The following RNPEP variants were observed in gnomAD, a reference collection of about 807,000 sequenced individuals.
RNPEP encodes the protein arginyl aminopeptidase, also known as aminopeptidase B.
RNPEP carries 57 observed loss-of-function variants against 70.1 expected under a neutral mutation model. That is an observed-to-expected ratio of 0.81 (90% confidence interval 0.66 to 1.01). The LOEUF (loss-of-function observed/expected upper bound fraction) is 1.01. Among genes scored for constraint, RNPEP ranks in the 50% least tolerant of loss-of-function variants. The pLI is 0.00. For synonymous variants in RNPEP, 335 were observed against 357.4 expected (o/e 0.94, Z 0.71); for missense variants, 787 against 852.4 (o/e 0.92, Z 0.96).
intron 3 of RNPEP, among the ~76,000 whole-genome samples, chr1:201,990,941 C>T (rs1254288279): frequency 3.9e-5 from 6 of 152,116 alleles, no homozygotes; most frequent in Non-Finnish European, 5.9e-5. Flanking sequence ...ACAATAGATT[C>T]TAAAGATACT....
At chr1:202,001,911 C>G (rs1571646479) in intron 8 of RNPEP, 144 bp downstream of exon 8, 1 of 624,686 alleles carries the variant, frequency 1.6e-6, no homozygotes, top group East Asian at 2.7e-5. Context: ...ACCCAGAATC[C>G]TGGGATTTAT....
chr1:201,987,293 G>A (rs1268256046), intron 1 of RNPEP, among the ~76,000 whole-genome samples: 1 of 152,094 alleles, frequency 6.6e-6, no homozygotes, highest in Non-Finnish European at 1.5e-5. Flanking sequence ...TCATCCTGGA[G>A]TAATCGAATC....
At chr1:202,005,050 G>A (rs73074450) in intron 10 of RNPEP, among the ~76,000 whole-genome samples, 1,819 of 152,278 alleles carry the variant, frequency 0.012, 38 homozygotes, top group African/African-American at 0.041. Context: ...CTGCCTGTTC[G>A]GGGATATTCT....
chr1:202,005,485 G>C, intron 10 of RNPEP, 73 bp from the exon 11 acceptor site: 1 of 1,554,500 alleles, frequency 6.4e-7, no homozygotes, highest in South Asian at 1.1e-5. Flanking sequence ...TGTTAGACTG[G>C]CACTGGGGGC....
chr1:201,998,360 C>T (rs958639414), intron 5 of RNPEP, among the ~76,000 whole-genome samples: 1 of 151,510 alleles, frequency 6.6e-6, no homozygotes, highest in African/African-American at 2.4e-5. Context: ...AGCTCCCCCA[C>T]ATCCCACTCC....
intron 3 of RNPEP, among the ~76,000 whole-genome samples, chr1:201,993,051 T>C (rs1683398136): frequency 6.6e-6 from 1 of 152,196 alleles, no homozygotes; most frequent in Non-Finnish European, 1.5e-5. Context: ...AGGTCTTGTC[T>C]CCTGTTTTAT....
In RNPEP at chr1:201,984,821, CTTT is replaced by C. The variant is rs200795347; in HGVS notation, c.447+1742_447+1744del. ...TTACTGCTAACTTTTGTATTTCTTT[CTTT>C]TTTTTTTTTTTTTTTTTTTTTTTTT... On this transcript the variant is annotated intron_variant, in intron 1 of 10. Transcript: ENST00000295640. Among the ~76,000 whole-genome samples the C allele has an allele frequency of 2.5e-4, 31 of 122,046 alleles. 2 individuals are homozygous for C. Among genetic ancestry groups the C allele is most frequent in the East Asian group, 1.4e-3 (6 of 4,190 alleles). 80.1% of individuals were successfully genotyped at this position (122,046 alleles called of 152,430 possible). A position where few individuals can be genotyped will look rare whatever the true frequency, so the allele number is the denominator to read the frequency against.
At chr1:202,001,049 G>A (rs1438982632) in intron 6 of RNPEP, 13 of 289,188 alleles carry the variant, frequency 4.5e-5, no homozygotes, top group Admixed American at 9.8e-5. Flanking sequence ...AAATGTGTCC[G>A]CTCCTCTGGA....
chr1:201,983,051 C>A lies in RNPEP; in HGVS notation c.385C>A (p.Pro129Thr). The part of the protein sequence containing the change: ...GQALCVSFPQ[P>T]CRAAERLQVL... ...GGCCCTGTGCGTGTCCTTCCCGCAG[C>A]CCTGCCGCGCCGCCGAGCGCCTCCA... Residue 129 changes from proline (P) to threonine (T), a missense_variant, in exon 1 of 11, where the codon CCC becomes ACC. Pro to Thr is a conservative substitution (Grantham distance 38). Coordinates refer to ENST00000295640, the MANE Select transcript of RNPEP (RefSeq NM_020216.4). The A allele has an allele frequency of 6.5e-7, 1 of 1,526,722 alleles. No individual in the cohort carries two copies. Among genetic ancestry groups the A allele is most frequent in the Non-Finnish European group, 8.8e-7 (1 of 1,141,592 alleles). The allele number at this position is 1,526,722 out of a possible 1,614,324, so 94.6% of individuals were successfully genotyped here.
chr1:201,989,594 C>T, intron 3 of RNPEP, 63 bp downstream of exon 3: 1 of 1,571,522 alleles, frequency 6.4e-7, no homozygotes, highest in Non-Finnish European at 8.7e-7. Context: ...GGACTCTGAC[C>T]AGTGGACCTG....
At chr1:201,998,508 A>C (rs982219226) in intron 5 of RNPEP, among the ~76,000 whole-genome samples, 1 of 152,164 alleles carries the variant, frequency 6.6e-6, no homozygotes, top group Non-Finnish European at 1.5e-5. Context: ...AGCCTCCCAA[A>C]GTGCTGAGAC....
In RNPEP at chr1:201,989,467, C is replaced by T; in HGVS notation, c.673C>T (p.Pro225Ser). Residue 225 changes from proline (P) to serine (S), a missense_variant, in exon 3 of 11, where the codon CCC becomes TCC. By Grantham distance (74) the Pro-to-Ser change is moderately conservative. Coordinates refer to ENST00000295640, the MANE Select transcript of RNPEP (RefSeq NM_020216.4). The stretch of plus-strand genomic sequence containing the variant: ...TAAGTTCTTCTTCCAGATGTGTCAG[C>T]CCATCCCCTCCTATCTGATAGCTTT... ...PNKFFFQMCQ[P>S]IPSYLIALAI... The T allele has an allele frequency of 6.2e-7, 1 of 1,614,174 alleles. No individual in the cohort carries two copies. Among genetic ancestry groups the T allele is most frequent in the South Asian group, 1.1e-5 (1 of 91,078 alleles).
chr1:201,989,936 C>T (rs1307738828), intron 3 of RNPEP, among the ~76,000 whole-genome samples: 1 of 152,000 alleles, frequency 6.6e-6, no homozygotes, highest in Non-Finnish European at 1.5e-5. Context: ...CCTCTGCCTC[C>T]TGGGTTCAAG....
At chr1:201,988,870 A>G (rs1418357923) in intron 1 of RNPEP, 34 bp from the exon 2 acceptor site, 1 of 1,582,932 alleles carries the variant, frequency 6.3e-7, no homozygotes, top group East Asian at 2.3e-5. Flanking sequence ...CGTGTGGGAG[A>G]TGTCAGTTCT....
intron 3 of RNPEP, among the ~76,000 whole-genome samples, chr1:201,991,400 C>A (rs1683329265): frequency 6.6e-6 from 1 of 152,184 alleles, no homozygotes; most frequent in African/African-American, 2.4e-5. Context: ...GCATGAGCCA[C>A]CACGCCGGGC....
chr1:201,992,513 C>T (rs559333035), intron 3 of RNPEP, among the ~76,000 whole-genome samples: 1 of 152,198 alleles, frequency 6.6e-6, no homozygotes, highest in South Asian at 2.1e-4. Flanking sequence ...AACCTTCCAG[C>T]TCTCTGACGG....
Position 201,983,404 on chromosome 1 carries a change from T to G in RNPEP, c.447+291T>G, listed in dbSNP as rs915976642. On this transcript the variant is annotated intron_variant, in intron 1 of 10. Transcript: ENST00000295640. ...CCTGGCCCTGGAGGCTTGTCCAGAT[T>G]GCGCCGCATTCCCGCTCATCGCACA... The G allele has an allele frequency of 1.8e-5, 27 of 1,493,050 alleles. No individual in the cohort carries two copies. In the African/African-American group the frequency reaches 2.4e-4, roughly 13 times the overall value. 92.5% of individuals were successfully genotyped at this position (1,493,050 alleles called of 1,614,324 possible). A position where few individuals can be genotyped will look rare whatever the true frequency, so the allele number is the denominator to read the frequency against.
rs538754649 is a variant in RNPEP, at chr1:201,996,201, C to G, written c.792C>G (p.Asn264Lys). The change falls in exon 4 of 11, where the codon AAC (asparagine) becomes AAG (lysine). Residue 264 changes from asparagine (N) to lysine (K), a missense_variant. Physicochemically the swap from Asn to Lys is moderately conservative, Grantham distance 94. Coordinates refer to ENST00000295640, the MANE Select transcript of RNPEP (RefSeq NM_020216.4). ...TTGATGCTGCCAAGGAGGAGTACAA[C>G]GGGGTGATAGAAGAATTTTTGGCAA... ...CLIDAAKEEYNGVIEEFLATG... is the reference protein window; with the variant it reads ...CLIDAAKEEYKGVIEEFLATG... 1.2e-6 allele frequency: 2 copies of G among 1,614,124 alleles called. No homozygotes were observed. Among genetic ancestry groups the G allele is most frequent in the Non-Finnish European group, 8.5e-7 (1 of 1,180,016 alleles).
At chr1:201,989,773 A>G (rs1284377232) in intron 3 of RNPEP, among the ~76,000 whole-genome samples, 2 of 151,882 alleles carry the variant, frequency 1.3e-5, no homozygotes, top group Non-Finnish European at 1.5e-5. Flanking sequence ...CATCCCTGCT[A>G]GCAGTAGCGC....
Sources: gnomAD v4.1 joint callset for allele counts (sites outside exome capture counted in the v4.1 genomes callset) on GRCh38, gnomAD v4.1.1 for gene constraint, MANE v1.5 for transcripts, NCBI Gene and HGNC (gene_info 2026-07-23, HGNC 2026-07-21) for gene names.